IGSF5: variants seen among roughly 807,000 people sequenced by gnomAD.
The protein encoded by IGSF5 is immunoglobulin superfamily 5 like.
IGSF5 carries 41 observed loss-of-function variants against 39.4 expected under a neutral mutation model. The observed-to-expected ratio is 1.04, with a 90% CI of 0.81 to 1.35. The LOEUF is 1.35. Among genes scored for constraint, IGSF5 ranks in the 40% most tolerant of loss-of-function variants. The pLI is 0.00. For missense variants in IGSF5, 487 were observed against 494.6 expected, an observed-to-expected ratio of 0.98 and a Z score of 0.15; for synonymous variants, 183 against 175.3, an observed-to-expected ratio of 1.04 and a Z score of -0.34.
At chr21:39,779,454 TG>T in intron 5 of IGSF5, 149 bp downstream of exon 5, 1 of 1,069,758 alleles carries the variant, frequency 9.3e-7, no homozygotes, top group South Asian at 1.7e-5. Context: ...ACACTGTTGG[TG>T]GGATGTAAAT....
the IGSF5 span, among the ~76,000 whole-genome samples, chr21:39,730,994 G>A: frequency 1.3e-5 from 2 of 152,180 alleles, no homozygotes; most frequent in Non-Finnish European, 2.9e-5. Context: ...AAGCACCACT[G>A]TTTCTCCATG....
chr21:39,739,727 G>A, the IGSF5 span, among the ~76,000 whole-genome samples: 1 of 152,144 alleles, frequency 6.6e-6, no homozygotes, highest in African/African-American at 2.4e-5. Context: ...TGCCTTCGAT[G>A]TCGTTAACAT....
At position 39,801,417 on chromosome 21, in the gene IGSF5, A is replaced by G; in HGVS notation, c.*60A>G. Reference sequence around the variant, plus strand: ...TGACAATTCAAAACACGGCGATGGCATCCTTCCTTTCCATCCTAAGACTGG... The same window carrying G: ...TGACAATTCAAAACACGGCGATGGCGTCCTTCCTTTCCATCCTAAGACTGG... On this transcript the variant is annotated 3_prime_UTR_variant, in exon 9 of 9. Transcript: ENST00000380588. 8.1e-7 allele frequency: 1 copy of G among 1,239,886 alleles called. No individual in the cohort carries two copies. The highest frequency in any genetic ancestry group is 1.2e-6 in the Non-Finnish European group (1 of 847,200). 76.8% of individuals were successfully genotyped at this position (1,239,886 alleles called of 1,614,324 possible).
chr21:39,747,098 C>T (rs1292666223), intron 2 of IGSF5, among the ~76,000 whole-genome samples: 2 of 152,206 alleles, frequency 1.3e-5, no homozygotes, highest in Non-Finnish European at 2.9e-5. Flanking sequence ...AGTCTGTTTT[C>T]ACGCTGCTGA....
chr21:39,799,757 G>T (rs1333886568), intron 8 of IGSF5, among the ~76,000 whole-genome samples: 1 of 151,866 alleles, frequency 6.6e-6, no homozygotes, highest in Non-Finnish European at 1.5e-5. Context: ...ATCCTACCAG[G>T]GACACTCTTA....
chr21:39,800,454 C>T (rs2087022347), intron 8 of IGSF5, among the ~76,000 whole-genome samples: 1 of 152,232 alleles, frequency 6.6e-6, no homozygotes, highest in African/African-American at 2.4e-5. Context: ...GTAGGAATCT[C>T]TAGCATATTA....
chr21:39,788,855 A>G (rs2086942175), intron 6 of IGSF5, among the ~76,000 whole-genome samples: 2 of 152,220 alleles, frequency 1.3e-5, no homozygotes, highest in Non-Finnish European at 1.5e-5. Flanking sequence ...GTTGTGGGTA[A>G]TATAACAACA....
chr21:39,728,061 G>A, the IGSF5 span: 5 of 152,112 alleles, frequency 3.3e-5, no homozygotes, highest in African/African-American at 1.2e-4. Flanking sequence ...GCCCTTCTCA[G>A]TATGTCTAAG....
At chr21:39,754,054 C>T (rs1417758628) in intron 2 of IGSF5, among the ~76,000 whole-genome samples, 1 of 152,012 alleles carries the variant, frequency 6.6e-6, no homozygotes, top group Admixed American at 6.6e-5. Flanking sequence ...CTAGATACTT[C>T]TATTTTTAAT....
At chr21:39,739,648 T>C in the IGSF5 span, among the ~76,000 whole-genome samples, 1 of 152,130 alleles carries the variant, frequency 6.6e-6, no homozygotes, top group East Asian at 1.9e-4. Context: ...TGGCGATGAC[T>C]GCTCTAACTG....
chr21:39,754,330 T>G (rs777077050), intron 2 of IGSF5, among the ~76,000 whole-genome samples: 2 of 152,252 alleles, frequency 1.3e-5, no homozygotes, highest in Non-Finnish European at 2.9e-5. Flanking sequence ...CCCTTCTGGC[T>G]TATAAGGCTT....
chr21:39,740,516 C>T (rs372663584), upstream of IGSF5, among the ~76,000 whole-genome samples: 37 of 152,212 alleles, frequency 2.4e-4, 1 homozygote, highest in African/African-American at 7.9e-4. Context: ...TTCTAGTGCC[C>T]GAGTGAGTTT....
At chr21:39,757,872 C>A (rs2080040144) in intron 2 of IGSF5, among the ~76,000 whole-genome samples, 1 of 152,304 alleles carries the variant, frequency 6.6e-6, no homozygotes, top group Admixed American at 6.5e-5. Context: ...CCACCGCGCC[C>A]AGACTGTGCT....
In IGSF5 at chr21:39,771,207, GT is replaced by G. The variant is rs757237678; in HGVS notation, c.711del (p.Gln239LysfsTer19). On this transcript the variant is annotated frameshift_variant, in exon 4 of 9. Coordinates refer to ENST00000380588, the MANE Select transcript of IGSF5 (RefSeq NM_001080444.2). LOFTEE classifies it high-confidence loss of function. ...SATVNLTVIR[C>X]PQDTGGGINI... ...ACTGTAAATCTCACTGTGATTCGGT[GT>G]CCCCAAGGTAAGTGAAGACATTCTG... The G allele has an allele frequency of 6.4e-7, 1 of 1,559,238 alleles. No homozygotes were observed.
At chr21:39,739,736 A>G in the IGSF5 span, among the ~76,000 whole-genome samples, 1 of 152,074 alleles carries the variant, frequency 6.6e-6, no homozygotes. Flanking sequence ...TGTCGTTAAC[A>G]TTGGAGCATG....
chr21:39,801,337 A>T lies in IGSF5; in HGVS notation c.1204A>T (p.Ser402Cys). The change falls in exon 9 of 9, where the codon AGT becomes TGT. Residue 402 changes from serine (S) to cysteine (C), a missense_variant. Coordinates refer to ENST00000380588, the MANE Select transcript of IGSF5 (RefSeq NM_001080444.2). The part of the protein sequence containing the change: ...SFNLASPEKV[S>C]NTTVV ...TAATCTGGCCAGTCCTGAGAAGGTC[A>T]GTAATACAACTGTAGTATAGCAAAG... 1 of 1,613,800 alleles carries T rather than the reference A, an allele frequency of 6.2e-7. No homozygotes were observed. The highest frequency in any genetic ancestry group is 8.5e-7 in the Non-Finnish European group (1 of 1,179,702).
intron 2 of IGSF5, among the ~76,000 whole-genome samples, chr21:39,757,064 T>C (rs547467455): frequency 2.0e-5 from 3 of 150,388 alleles, no homozygotes; most frequent in Admixed American, 1.3e-4. Context: ...CCTTAGTACC[T>C]GCTCTTTCCT....
chr21:39,762,062 T>C (rs897703139), intron 2 of IGSF5, among the ~76,000 whole-genome samples: 1 of 152,136 alleles, frequency 6.6e-6, no homozygotes, highest in Non-Finnish European at 1.5e-5. Flanking sequence ...GGGCTCGAGA[T>C]GTGGATTTGA....
intron 5 of IGSF5, among the ~76,000 whole-genome samples, chr21:39,787,534 T>G: frequency 6.8e-6 from 1 of 147,928 alleles, no homozygotes; most frequent in East Asian, 2.0e-4. Context: ...CTAAAAACAT[T>G]AGCAATTTAA....
Sources: gnomAD v4.1 joint callset for allele counts (sites outside exome capture counted in the v4.1 genomes callset) on GRCh38, gnomAD v4.1.1 for gene constraint, MANE v1.5 for transcripts, NCBI Gene and HGNC (gene_info 2026-07-23, HGNC 2026-07-21) for gene names.